SEL1L3: variants seen among roughly 807,000 people sequenced by gnomAD.
SEL1L3 encodes SEL1L family member 3, also known as protein sel-1 homolog 3.
Under a neutral mutation model 142.8 loss-of-function variants are expected in SEL1L3, and 76 were observed. The observed-to-expected ratio is 0.53, with a 90% CI of 0.44 to 0.64. The LOEUF (loss-of-function observed/expected upper bound fraction) is 0.64, where lower values mean the gene tolerates loss of function less well. Ranked by LOEUF, SEL1L3 falls within the 30% of genes least tolerant of loss-of-function variation. The probability of loss-of-function intolerance (pLI) is 0.00; values close to 1 mark genes in which losing one functional copy is unlikely to be tolerated. For missense variants in SEL1L3, 1,262 were observed against 1,381.7 expected (o/e 0.91, Z 1.37); for synonymous variants, 504 against 519.6 (o/e 0.97, Z 0.41).
At chr4:25,820,181 T>G (rs528651671) in intron 7 of SEL1L3, among the ~76,000 whole-genome samples, 6 of 152,320 alleles carry the variant, frequency 3.9e-5, no homozygotes, top group African/African-American at 1.4e-4. Context: ...TGTCAGAATT[T>G]CCCAGAGACT....
At chr4:25,810,638 C>G (rs1485644411) in intron 9 of SEL1L3, among the ~76,000 whole-genome samples, 2 of 152,154 alleles carry the variant, frequency 1.3e-5, no homozygotes, top group Middle Eastern at 3.2e-3. Flanking sequence ...TTGGAGGTTC[C>G]CCAGGAAACA....
chr4:25,756,372 A>G, intron 23 of SEL1L3: 1 of 985,444 alleles, frequency 1.0e-6, no homozygotes, highest in Non-Finnish European at 1.2e-6. Context: ...ATGGTCTAAT[A>G]GAGGAGTAAA....
At chr4:25,824,280 G>A (rs1331892867) in intron 6 of SEL1L3, among the ~76,000 whole-genome samples, 1 of 152,096 alleles carries the variant, frequency 6.6e-6, no homozygotes, top group Non-Finnish European at 1.5e-5. Context: ...CCCTCTTAAC[G>A]GAGCTGCAGC....
chr4:25,772,245 AT>A (rs1719276924), intron 17 of SEL1L3, among the ~76,000 whole-genome samples: 1 of 152,230 alleles, frequency 6.6e-6, no homozygotes. Context: ...AGATTTCCTC[AT>A]TGTAATAGAT....
At chr4:25,783,879 A>T (rs905869414) in intron 14 of SEL1L3, among the ~76,000 whole-genome samples, 5 of 152,260 alleles carry the variant, frequency 3.3e-5, no homozygotes, top group Middle Eastern at 6.8e-3. Context: ...CCTGAATTCA[A>T]TGGCATTAAT....
intron 11 of SEL1L3, among the ~76,000 whole-genome samples, chr4:25,794,453 A>G (rs1712571808): frequency 6.6e-6 from 1 of 152,250 alleles, no homozygotes; most frequent in South Asian, 2.1e-4. Context: ...ATCATTAGAG[A>G]AATGCAAATC....
At chr4:25,782,864 A>G (rs952865079) in intron 14 of SEL1L3, among the ~76,000 whole-genome samples, 1 of 151,712 alleles carries the variant, frequency 6.6e-6, no homozygotes, top group Non-Finnish European at 1.5e-5. Flanking sequence ...ACCAACACGC[A>G]CTCTATGGCA....
chr4:25,730,416 G>A, the SEL1L3 span, among the ~76,000 whole-genome samples: 1 of 152,016 alleles, frequency 6.6e-6, no homozygotes, highest in Admixed American at 6.6e-5. Context: ...GAGGAAACTA[G>A]TTAGTCCGAT....
intron 17 of SEL1L3, among the ~76,000 whole-genome samples, chr4:25,775,032 G>A (rs770644093): frequency 3.9e-4 from 60 of 152,274 alleles, no homozygotes; most frequent in Non-Finnish European, 7.2e-4. Context: ...TTCATCCTAA[G>A]AAGTTTGTAG....
chr4:25,781,821 C>T (rs1233951861), intron 15 of SEL1L3, among the ~76,000 whole-genome samples: 1 of 152,170 alleles, frequency 6.6e-6, no homozygotes, highest in African/African-American at 2.4e-5. Context: ...CTAAAGATTG[C>T]CATTGTGTTT....
At chr4:25,716,851 G>C in the SEL1L3 span, among the ~76,000 whole-genome samples, 3 of 152,300 alleles carry the variant, frequency 2.0e-5, no homozygotes, top group South Asian at 6.2e-4. Flanking sequence ...AAAAGGCCAG[G>C]TGCGGTGGCT....
intron 1 of SEL1L3, 49 bp downstream of exon 1, chr4:25,862,626 C>T: frequency 9.0e-7 from 1 of 1,107,202 alleles, no homozygotes; most frequent in Non-Finnish European, 1.1e-6. Context: ...CACCCGCGTC[C>T]CCGGGGCCCC....
intron 2 of SEL1L3, among the ~76,000 whole-genome samples, chr4:25,845,863 C>T (rs192795599): frequency 6.6e-6 from 1 of 152,130 alleles, no homozygotes; most frequent in Non-Finnish European, 1.5e-5. Context: ...GACACGGGAA[C>T]CATAGCAATC....
chr4:25,790,325 A>T (rs770378207), intron 12 of SEL1L3, 130 bp downstream of exon 12: 9 of 860,294 alleles, frequency 1.0e-5, no homozygotes, highest in Admixed American at 2.1e-5. Flanking sequence ...CCCCTATTGG[A>T]CATGCAGTGT....
chr4:25,734,473 TAAAC>T, the SEL1L3 span, among the ~76,000 whole-genome samples: 2 of 152,254 alleles, frequency 1.3e-5, no homozygotes, highest in African/African-American at 2.4e-5. Context: ...TTTTAAATGT[TAAAC>T]AACCTTTATT....
chr4:25,840,247 T>C (rs939421794), intron 2 of SEL1L3, among the ~76,000 whole-genome samples: 1 of 152,212 alleles, frequency 6.6e-6, no homozygotes, highest in Non-Finnish European at 1.5e-5. Context: ...AGGCATTAAT[T>C]AGTGTTATTA....
chr4:25,766,774 A>G (rs1309374211), intron 19 of SEL1L3, among the ~76,000 whole-genome samples: 3 of 152,156 alleles, frequency 2.0e-5, no homozygotes, highest in African/African-American at 7.2e-5. Flanking sequence ...GCAGAGAGAC[A>G]AAGGTAGAAG....
chr4:25,825,933 A>G (rs1362023783), intron 6 of SEL1L3, among the ~76,000 whole-genome samples: 1 of 151,806 alleles, frequency 6.6e-6, no homozygotes, highest in Non-Finnish European at 1.5e-5. Context: ...CGGCCTCCCA[A>G]AGTGCTGGGA....
chr4:25,819,928 G>C lies in SEL1L3; in HGVS notation c.1303C>G (p.Leu435Val). 1 of 1,610,080 alleles carries C rather than the reference G, an allele frequency of 6.2e-7. No individual in the cohort carries two copies. ...TGTTCAGCAAGTTGCTTCTCAAGGAGGGGATTAAAAATCTACAAGAAGGCA... is the reference window on the plus strand; with the variant it reads ...TGTTCAGCAAGTTGCTTCTCAAGGACGGGATTAAAAATCTACAAGAAGGCA... ...SLHPAQIFNP[L>V]LEKQLAEQIK... The change falls in exon 8 of 24, where the codon CTC becomes GTC. Residue 435 changes from leucine (L) to valine (V), a missense_variant. By Grantham distance (32) the Leu-to-Val change is conservative (BLOSUM62 1). Coordinates refer to ENST00000399878, the MANE Select transcript of SEL1L3 (RefSeq NM_015187.5).
Sources: gnomAD v4.1 joint callset for allele counts (sites outside exome capture counted in the v4.1 genomes callset) on GRCh38, gnomAD v4.1.1 for gene constraint, MANE v1.5 for transcripts, NCBI Gene and HGNC (gene_info 2026-07-23, HGNC 2026-07-21) for gene names.